WWC1: variants seen among roughly 807,000 people sequenced by gnomAD.
WWC1 encodes protein KIBRA.
Under a neutral mutation model 138.4 loss-of-function variants are expected in WWC1, and 55 were observed. The ratio of observed to expected loss-of-function variants is 0.40; its 90% CI spans 0.32 to 0.50. The LOEUF (loss-of-function observed/expected upper bound fraction) is 0.50, where lower values mean the gene tolerates loss of function less well. Among genes scored for constraint, WWC1 ranks in the 20% least tolerant of loss-of-function variants. WWC1 has a pLI of 0.72. For synonymous variants in WWC1, 524 were observed against 564.9 expected, an observed-to-expected ratio of 0.93 and a Z score of 1.03; for missense variants, 1,226 against 1,420.4, an observed-to-expected ratio of 0.86 and a Z score of 2.20.
At position 168,306,925 on chromosome 5, in the gene WWC1, T is replaced by TGG. The variant is rs536117091; in HGVS notation, c.119+14658_119+14659dup. On this transcript the variant is annotated intron_variant, in intron 1 of 22. Coordinates refer to ENST00000265293, the MANE Select transcript of WWC1 (RefSeq NM_015238.3). ...CTAAGCTACTTTAGAGTTGTAAGCC[T>TGG]GGGGGCTAGGCCTTCCTTTCATTTG... Among the ~76,000 whole-genome samples the TGG allele has an allele frequency of 3.5e-3, 537 of 152,340 alleles. 2 individuals are homozygous for TGG. Among genetic ancestry groups the TGG allele is most frequent in the Non-Finnish European group, 6.0e-3 (410 of 68,024 alleles).
intron 17 of WWC1, among the ~76,000 whole-genome samples, chr5:168,446,685 A>G (rs1256995007): frequency 2.0e-5 from 3 of 152,282 alleles, no homozygotes; most frequent in African/African-American, 2.4e-5. Context: ...CCTTGTCTGA[A>G]CCTCATCTGA....
intron 8 of WWC1, 50 bp from the exon 9 acceptor site, chr5:168,414,298 C>A (rs375317012): frequency 1.3e-6 from 2 of 1,594,088 alleles, no homozygotes; most frequent in South Asian, 2.3e-5. Context: ...ATCTCCTGTT[C>A]CCTCAGTGCC....
intron 6 of WWC1, 38 bp downstream of exon 6, chr5:168,406,365 T>G (rs1264736810): frequency 1.9e-6 from 3 of 1,610,520 alleles, no homozygotes; most frequent in Non-Finnish European, 2.5e-6. Flanking sequence ...CCATCTTGAT[T>G]TCTCCTGAGT....
chr5:168,300,392 G>C (rs576983455), intron 1 of WWC1, among the ~76,000 whole-genome samples: 1 of 151,940 alleles, frequency 6.6e-6, no homozygotes, highest in African/African-American at 2.4e-5. Context: ...GAGTGGGGAG[G>C]AGGGAAAGAA....
At chr5:168,325,502 A>G (rs1772457475) in intron 1 of WWC1, among the ~76,000 whole-genome samples, 1 of 152,116 alleles carries the variant, frequency 6.6e-6, no homozygotes, top group South Asian at 2.1e-4. Flanking sequence ...GGGGAGGGGA[A>G]TTTTTAAGCA....
chr5:168,448,838 C>G (rs1370458376), intron 17 of WWC1, among the ~76,000 whole-genome samples: 2 of 152,054 alleles, frequency 1.3e-5, no homozygotes, highest in Non-Finnish European at 2.9e-5. Context: ...CCAGGATGGT[C>G]TCGATCTCCT....
intron 1 of WWC1, among the ~76,000 whole-genome samples, chr5:168,339,979 C>CTT (rs1309637800): frequency 8.5e-5 from 9 of 105,480 alleles, no homozygotes; most frequent in African/African-American, 3.0e-4. Context: ...GTCTCTCTTT[C>CTT]TCTCTTTCTC....
At chr5:168,336,109 C>T (rs771535696) in intron 1 of WWC1, among the ~76,000 whole-genome samples, 22 of 152,294 alleles carry the variant, frequency 1.4e-4, no homozygotes, top group Admixed American at 2.6e-4. Flanking sequence ...CTCCCTTAAC[C>T]GCCCACTTAC....
chr5:168,378,142 G>A (rs187562724), intron 2 of WWC1, among the ~76,000 whole-genome samples: 71 of 152,276 alleles, frequency 4.7e-4, no homozygotes, highest in Non-Finnish European at 7.4e-4. Flanking sequence ...GATGCAGTTG[G>A]AGGCCATTAT....
Position 168,292,167 on chromosome 5 carries a change from G to C in WWC1, c.15G>C (p.Glu5Asp). 1 of 1,544,880 alleles carries C rather than the reference G, an allele frequency of 6.5e-7. No individual in the cohort carries two copies. Among genetic ancestry groups the C allele is most frequent in the East Asian group, 2.5e-5 (1 of 40,272 alleles). Residue 5 changes from glutamate to aspartate, a missense_variant, in exon 1 of 23, where the codon GAG (glutamate) becomes GAC (aspartate). Transcript: ENST00000265293. This position sits in a 1 kb window ranked among gnomAD's most constrained non-coding sequence, Gnocchi z 4.4. ...CGCTTGGGAAGATGCCCCGGCCGGA[G>C]CTGCCCCTGCCGGAGGGCTGGGAGG... is the stretch of plus-strand genomic sequence containing the variant. Reference protein sequence around the residue: MPRPELPLPEGWEEA... With the variant: MPRPDLPLPEGWEEA...
chr5:168,331,264 T>C (rs1257702225), intron 1 of WWC1, among the ~76,000 whole-genome samples: 1 of 152,104 alleles, frequency 6.6e-6, no homozygotes, highest in African/African-American at 2.4e-5. Flanking sequence ...AAAACAGTAG[T>C]TTATATGTTT....
At chr5:168,372,693 C>G (rs1242988053) in intron 2 of WWC1, among the ~76,000 whole-genome samples, 1 of 152,208 alleles carries the variant, frequency 6.6e-6, no homozygotes, top group Non-Finnish European at 1.5e-5. Context: ...GGGATTGGAA[C>G]TGGCCCTGGA....
At chr5:168,346,960 C>A (rs376028230) in intron 1 of WWC1, among the ~76,000 whole-genome samples, 2 of 152,126 alleles carry the variant, frequency 1.3e-5, no homozygotes, top group Admixed American at 6.5e-5. Context: ...CTTGCTCATG[C>A]AGGGCAGGAA....
rs749075581 is a variant in WWC1 at position 168,423,823 on chromosome 5, G to A, written c.1565G>A (p.Arg522His). 2.2e-5 allele frequency: 36 copies of A among 1,614,156 alleles called. 1 individual carries two copies. The South Asian group carries it at 2.6e-4, about 12-fold the overall frequency. The part of the protein sequence containing the change: ...AEGGGRLQAL[R>H]SLSGTPKSMT... Reference sequence around the variant, plus strand: ...GGAGGTGGCCGCCTGCAGGCTCTGCGTTCCCTGTCTGGCACCCCAAAGTCC... The same window carrying A: ...GGAGGTGGCCGCCTGCAGGCTCTGCATTCCCTGTCTGGCACCCCAAAGTCC... Residue 522 changes from arginine to histidine, a missense_variant, in exon 11 of 23, where the codon CGT (arginine) becomes CAT (histidine). Physicochemically the swap from Arg to His is conservative, Grantham distance 29 (BLOSUM62 0). Transcript: ENST00000265293.
chr5:168,441,697 A>T lies in WWC1; in HGVS notation c.2296A>T (p.Ser766Cys). ...TCCCCAACAGGGAGGCGCCCAGATC[A>T]GCCTGGCGGAGGTCTGCCGGTCTGG... ...LEECLGGAQISLAEVCRSGER... is the reference protein window; with the variant it reads ...LEECLGGAQICLAEVCRSGER... Residue 766 changes from serine to cysteine, a missense_variant, in exon 16 of 23, where the codon AGC becomes TGC. Ser to Cys is a moderately radical substitution (Grantham distance 112). This residue lies in a region of WWC1 where 1,016 missense variants were observed against 1,153.9 expected (regional missense o/e 0.88). Coordinates refer to ENST00000265293, the MANE Select transcript of WWC1 (RefSeq NM_015238.3). The T allele has an allele frequency of 5.6e-6, 9 of 1,614,034 alleles. No individual in the cohort carries two copies. The highest frequency in any genetic ancestry group is 7.6e-6 in the Non-Finnish European group (9 of 1,179,954).
At chr5:168,352,368 G>A (rs929854117) in intron 1 of WWC1, among the ~76,000 whole-genome samples, 3 of 152,022 alleles carry the variant, frequency 2.0e-5, no homozygotes, top group Non-Finnish European at 4.4e-5. Flanking sequence ...ATCATTCATT[G>A]AGCTCTGCAC....
intron 9 of WWC1, among the ~76,000 whole-genome samples, chr5:168,421,799 A>G (rs956277517): frequency 2.6e-5 from 4 of 152,210 alleles, no homozygotes; most frequent in African/African-American, 9.7e-5. Context: ...TAAGGTTCCC[A>G]GCAGAGTGCC....
At chr5:168,414,209 G>A in intron 8 of WWC1, 139 bp from the exon 9 acceptor site, 2 of 1,304,224 alleles carry the variant, frequency 1.5e-6, no homozygotes, top group Non-Finnish European at 2.1e-6. Flanking sequence ...AAAAAAAATA[G>A]GTTCCTTGAG....
intron 22 of WWC1, 61 bp downstream of exon 22, chr5:168,468,025 T>C: frequency 6.2e-7 from 1 of 1,604,508 alleles, no homozygotes; most frequent in Non-Finnish European, 8.5e-7. Flanking sequence ...GCCTTAGTCT[T>C]CTGTCTGTGG....
Sources: gnomAD v4.1 joint callset for allele counts (sites outside exome capture counted in the v4.1 genomes callset) on GRCh38, gnomAD v4.1.1 for gene constraint, gnomAD v4.1.1 regional missense constraint, Gnocchi (gnomAD v3.1) non-coding constraint, MANE v1.5 for transcripts, NCBI Gene and HGNC (gene_info 2026-07-23, HGNC 2026-07-21) for gene names.